The following AGAP2 variants were observed in gnomAD, a reference collection of about 807,000 sequenced individuals.
AGAP2 encodes the protein arf-GAP with GTPase, ANK repeat and PH domain-containing protein 2.
AGAP2 carries 32 observed loss-of-function variants against 110.9 expected under a neutral mutation model. The observed-to-expected ratio is 0.29, with a 90% confidence interval of 0.22 to 0.39. The LOEUF is 0.39. Ranked by LOEUF, AGAP2 falls within the 10% of genes least tolerant of loss-of-function variation. The probability of loss-of-function intolerance (pLI) is 1.00; values close to 1 mark genes in which losing one functional copy is unlikely to be tolerated. For missense variants in AGAP2, 1,285 were observed against 1,638.5 expected, an observed-to-expected ratio of 0.78 and a Z score of 3.72; for synonymous variants, 702 against 713.0, an observed-to-expected ratio of 0.98 and a Z score of 0.25.
At chr12:57,741,811 T>G, upstream of AGAP2, 1 of 1,385,374 alleles carries the variant, frequency 7.2e-7, no homozygotes, top group South Asian at 1.3e-5. Flanking sequence ...TCTTGGGGAC[T>G]AGGAAGTAGC....
chr12:57,738,386 GCCGCCT>G lies in AGAP2; in HGVS notation c.-146_-141del. 1 of 1,035,112 alleles carries G rather than the reference GCCGCCT, an allele frequency of 9.7e-7. No individual in the cohort carries two copies. Among genetic ancestry groups the G allele is most frequent in the Non-Finnish European group, 1.2e-6 (1 of 818,092 alleles). The allele number at this position is 1,035,112 out of a possible 1,614,324, so 64.1% of individuals were successfully genotyped here. On this transcript the variant is annotated 5_prime_UTR_variant, in exon 1 of 19. Coordinates refer to ENST00000547588, the MANE Select transcript of AGAP2 (RefSeq NM_001122772.3). This position sits in a 1 kb window ranked among gnomAD's most constrained non-coding sequence, Gnocchi z 6.7. ...CCCCCGGCCCGGCTCCGCTGTCGCC[GCCGCCT>G]CCGCCGCCTCCGCTTGCGCCCCCCT...
intron 2 of AGAP2, 34 bp downstream of exon 2, chr12:57,735,335 C>T (rs758573140): frequency 6.2e-7 from 1 of 1,607,846 alleles, no homozygotes; most frequent in Non-Finnish European, 8.5e-7. Flanking sequence ...GGGAGGTCAG[C>T]CTTCCCTATA....
Position 57,727,415 on chromosome 12 carries a change from G to C in AGAP2, c.3025C>G (p.Arg1009Gly). The change falls in exon 17 of 19, where the codon CGC becomes GGC. Residue 1009 changes from arginine (R) to glycine (G), a missense_variant. Transcript: ENST00000547588. ...LTAIGNDTAN[R>G]VWESDTRGRA... ...CCTCGCGTGTCGCTTTCCCACACGC[G>C]GTTGGCCGTGTCGTTGCCAATAGCC... 6.2e-7 allele frequency: 1 copy of C among 1,613,460 alleles called. No individual in the cohort carries two copies. The highest frequency in any genetic ancestry group is 8.5e-7 in the Non-Finnish European group (1 of 1,179,898).
At chr12:57,728,687 G>C (rs1012464491) in intron 13 of AGAP2, among the ~76,000 whole-genome samples, 1 of 152,178 alleles carries the variant, frequency 6.6e-6, no homozygotes, top group Non-Finnish European at 1.5e-5. Context: ...GGACCTCTGG[G>C]AGAAGAAGGG....
rs1349895419 is a variant in AGAP2 at position 57,725,310 on chromosome 12, C to T, written c.*1242G>A. On this transcript the variant is annotated 3_prime_UTR_variant, in exon 19 of 19. Coordinates refer to ENST00000547588, the MANE Select transcript of AGAP2 (RefSeq NM_001122772.3). ...CCACCTCTCTCCCCTCCCCAATTACCTGGTCCTTTGCAAACTATTTTAGCC... is the reference window on the plus strand; with the variant it reads ...CCACCTCTCTCCCCTCCCCAATTACTTGGTCCTTTGCAAACTATTTTAGCC... 4 of 144,578 alleles carry T rather than the reference C, an allele frequency of 2.8e-5. No individual in the cohort carries two copies. The highest frequency in any genetic ancestry group is 4.5e-4 in the South Asian group (2 of 4,442). The allele number at this position is 144,578 out of a possible 1,614,324, so 9.0% of individuals were successfully genotyped here.
rs1954752731 is a variant in AGAP2 at position 57,725,850 on chromosome 12, C to T, written c.*702G>A. On this transcript the variant is annotated 3_prime_UTR_variant, in exon 19 of 19. Transcript: ENST00000547588. Reference sequence around the variant, plus strand: ...GCTCCTGCTCCATCCCTTCTCCCTCCCAAGATAGTAGTGGGAGGGACCCAG... The same window carrying T: ...GCTCCTGCTCCATCCCTTCTCCCTCTCAAGATAGTAGTGGGAGGGACCCAG... The T allele has an allele frequency of 6.6e-6, 1 of 151,946 alleles. No homozygotes were observed. The highest frequency in any genetic ancestry group is 2.4e-5 in the African/African-American group (1 of 41,306). 9.4% of individuals were successfully genotyped at this position (151,946 alleles called of 1,614,324 possible).
intron 13 of AGAP2, among the ~76,000 whole-genome samples, 175 bp downstream of exon 13, chr12:57,729,461 AAAG>A (rs1318067827): frequency 1.3e-5 from 2 of 151,910 alleles, no homozygotes; most frequent in Admixed American, 6.6e-5. Flanking sequence ...GGGAACAAGG[AAAG>A]AAGGACAGGG....
intron 13 of AGAP2, 81 bp from the exon 14 acceptor site, chr12:57,728,458 G>T (rs187796284): frequency 1.4e-6 from 2 of 1,446,588 alleles, no homozygotes; most frequent in Admixed American, 1.8e-5. Context: ...AGGAGAAAAA[G>T]ACAGGTAGAT....
At chr12:57,727,616 G>T in intron 16 of AGAP2, 34 bp from the exon 17 acceptor site, 1 of 1,590,926 alleles carries the variant, frequency 6.3e-7, no homozygotes. Flanking sequence ...GCTCCCAGCC[G>T]GGCAGCACAG....
chr12:57,737,841 C>A lies in AGAP2; in HGVS notation c.406G>T (p.Ala136Ser), dbSNP rs914474830. Residue 136 changes from alanine to serine, a missense_variant, in exon 1 of 19, where the codon GCC (alanine) becomes TCC (serine). By Grantham distance (99) the Ala-to-Ser change is moderately conservative. Coordinates refer to ENST00000547588, the MANE Select transcript of AGAP2 (RefSeq NM_001122772.3). The surrounding 1 kb of genome is among the most constrained non-coding windows in gnomAD (Gnocchi z 5.9). ...AGGGGGCGCCGGGAGGAGGTGGGGG[C>A]GCCCCCAGGCTTGGGGTCGGGGCTC... ...GLSPDPKPGG[A>S]PTSSRRPLLS... is the part of the protein sequence containing the mutation. 4 of 1,470,342 alleles carry A rather than the reference C, an allele frequency of 2.7e-6. No homozygotes were observed. In the Admixed American group the frequency reaches 7.9e-5, roughly 29 times the overall value. The allele number at this position is 1,470,342 out of a possible 1,614,324, so 91.1% of individuals were successfully genotyped here. A position where few individuals can be genotyped will look rare whatever the true frequency, so the allele number is the denominator to read the frequency against.
intron 1 of AGAP2, among the ~76,000 whole-genome samples, chr12:57,736,694 C>T (rs1954988476): frequency 6.6e-6 from 1 of 152,216 alleles, no homozygotes; most frequent in Admixed American, 6.5e-5. Context: ...CTGAGGCTTC[C>T]TCATCCCCTT....
intron 14 of AGAP2, 72 bp downstream of exon 14, chr12:57,728,246 C>A: frequency 6.4e-7 from 1 of 1,569,750 alleles, no homozygotes; most frequent in South Asian, 1.1e-5. Flanking sequence ...CGAGCACATG[C>A]AGGGGAAGGC....
upstream of AGAP2, chr12:57,739,962 T>C (rs1043031534): frequency 2.6e-5 from 4 of 152,204 alleles, no homozygotes; most frequent in African/African-American, 7.2e-5. Flanking sequence ...CTCTCTATCC[T>C]CCAGCCAGGT....
In AGAP2 at chr12:57,726,404, T is replaced by TG; in HGVS notation, c.*147dup. 1.3e-6 allele frequency: 1 copy of TG among 771,636 alleles called. No homozygotes were observed. Among genetic ancestry groups the TG allele is most frequent in the Non-Finnish European group, 1.7e-6 (1 of 596,006 alleles). 47.8% of individuals were successfully genotyped at this position (771,636 alleles called of 1,614,324 possible). ...GTGAGTTTGTGTCTTCTGGAAGGCG[T>TG]GGGGGCTGTGCCCTCGTGGGGGTAG... On this transcript the variant is annotated 3_prime_UTR_variant, in exon 19 of 19. Transcript: ENST00000547588. The surrounding 1 kb of genome is among the most constrained non-coding windows in gnomAD (Gnocchi z 5.7).
At chr12:57,728,201 T>A in intron 14 of AGAP2, 116 bp from the exon 15 acceptor site, 1 of 1,510,692 alleles carries the variant, frequency 6.6e-7, no homozygotes, top group South Asian at 1.2e-5. Context: ...GCAGTGGGGG[T>A]AGGGAAAGCA....
Position 57,738,236 on chromosome 12 carries a change from C to T in AGAP2, c.11G>A (p.Gly4Asp), listed in dbSNP as rs1344676362. ...TGTCCGGCGCTGAAGCGCGCCCGCG[C>T]CCCGGCTCATGGGGCCCGGAGACCC... The part of the protein sequence containing the change: MSR[G>D]AGALQRRTTT... The change falls in exon 1 of 19, where the codon GGC (glycine) becomes GAC (aspartate). Residue 4 changes from glycine (G) to aspartate (D), a missense_variant. Gly to Asp is a moderately conservative substitution (Grantham distance 94). Transcript: ENST00000547588. The surrounding 1 kb of genome is among the most constrained non-coding windows in gnomAD (Gnocchi z 6.7). 4.6e-6 allele frequency: 7 copies of T among 1,515,450 alleles called. No homozygotes were observed. The highest frequency in any genetic ancestry group is 1.2e-5 in the South Asian group (1 of 83,240). 93.9% of individuals were successfully genotyped at this position (1,515,450 alleles called of 1,614,324 possible). A position where few individuals can be genotyped will look rare whatever the true frequency, so the allele number is the denominator to read the frequency against.
At chr12:57,733,185 C>CTG (rs35371569) in intron 5 of AGAP2, among the ~76,000 whole-genome samples, 5,556 of 146,618 alleles carry the variant, frequency 0.038, 127 homozygotes, top group South Asian at 0.081. Context: ...GCTGGGTGAG[C>CTG]TGTGTGTGTG....
intron 14 of AGAP2, 81 bp downstream of exon 14, chr12:57,728,237 G>A (rs373370235): frequency 6.5e-5 from 100 of 1,548,754 alleles, no homozygotes; most frequent in Middle Eastern, 5.3e-4. Context: ...CAGGAAGCCC[G>A]AGCACATGCA....
chr12:57,739,021 C>A (rs1259010587), upstream of AGAP2, among the ~76,000 whole-genome samples: 1 of 148,336 alleles, frequency 6.7e-6, no homozygotes, highest in African/African-American at 2.5e-5. Flanking sequence ...CTTTTCTCCA[C>A]CAGCACCGAT....
Sources: gnomAD v4.1 joint callset for allele counts (sites outside exome capture counted in the v4.1 genomes callset) on GRCh38, gnomAD v4.1.1 for gene constraint, Gnocchi (gnomAD v3.1) non-coding constraint, MANE v1.5 for transcripts, NCBI Gene and HGNC (gene_info 2026-07-23, HGNC 2026-07-21) for gene names.